DAP: variants seen among roughly 807,000 people sequenced by gnomAD.
The protein encoded by DAP is death-associated protein 1.
Under a neutral mutation model 13.8 loss-of-function variants are expected in DAP, and 8 were observed. That is an observed-to-expected ratio of 0.58 (90% CI 0.34 to 1.05). The LOEUF is 1.05. DAP is among the 50% of genes least tolerant of loss of function. DAP has a pLI of 0.03. For missense variants in DAP, 106 were observed against 133.2 expected (o/e 0.80, Z 1.01); for synonymous variants, 47 against 47.5 (o/e 0.99, Z 0.04).
At chr5:10,760,360 G>T (rs1451272106) in intron 1 of DAP, among the ~76,000 whole-genome samples, 1 of 152,162 alleles carries the variant, frequency 6.6e-6, no homozygotes, top group Non-Finnish European at 1.5e-5. Context: ...GGAGGAGGTG[G>T]CAGAAGCATG....
At chr5:10,695,255 G>A (rs1453880555) in intron 2 of DAP, among the ~76,000 whole-genome samples, 1 of 152,166 alleles carries the variant, frequency 6.6e-6, no homozygotes, top group East Asian at 1.9e-4. Flanking sequence ...GGTCCTCTCA[G>A]CCCGCGAACG....
chr5:10,681,144 G>A lies in DAP; in HGVS notation c.221C>T (p.Ala74Val), dbSNP rs1737979130. Residue 74 changes from alanine to valine, a missense_variant, in exon 4 of 4, where the codon GCT (alanine) becomes GTT (valine). Physicochemically the swap from Ala to Val is moderately conservative, Grantham distance 64. Coordinates refer to ENST00000230895, the MANE Select transcript of DAP (RefSeq NM_004394.3). ...CGGCTTCTGGTGAGCCACCTGCGCA[G>A]CCGCCGGGGGGAAATCTTTGTCACC... ...ARGDKDFPPA[A>V]AQVAHQKPHA... is the part of the protein sequence containing the mutation. 6.6e-7 allele frequency: 1 copy of A among 1,524,184 alleles called. No homozygotes were observed. Among genetic ancestry groups the A allele is most frequent in the Non-Finnish European group, 8.8e-7 (1 of 1,138,492 alleles). 94.4% of individuals were successfully genotyped at this position (1,524,184 alleles called of 1,614,324 possible). A position where few individuals can be genotyped will look rare whatever the true frequency, so the allele number is the denominator to read the frequency against.
At chr5:10,686,804 C>T (rs566433856) in intron 2 of DAP, among the ~76,000 whole-genome samples, 48 of 152,338 alleles carry the variant, frequency 3.2e-4, no homozygotes, top group Middle Eastern at 3.4e-3. Context: ...TAGCTAAGAT[C>T]ATTGATGAAA....
intron 2 of DAP, chr5:10,734,163 A>C (rs1739542979): frequency 6.6e-6 from 1 of 152,258 alleles, no homozygotes; most frequent in Non-Finnish European, 1.5e-5. Context: ...CAGAGCCTGG[A>C]AGGGAGAACT....
At chr5:10,698,651 T>C (rs924644383) in intron 2 of DAP, among the ~76,000 whole-genome samples, 6 of 152,216 alleles carry the variant, frequency 3.9e-5, no homozygotes, top group African/African-American at 1.4e-4. Flanking sequence ...CTAAGGTTTA[T>C]TGTGGTTTAT....
At chr5:10,755,145 C>G (rs1002758461) in intron 1 of DAP, among the ~76,000 whole-genome samples, 2 of 152,176 alleles carry the variant, frequency 1.3e-5, no homozygotes, top group African/African-American at 4.8e-5. Flanking sequence ...GCGGAAGAGT[C>G]AGGGCTCTGA....
intron 2 of DAP, among the ~76,000 whole-genome samples, chr5:10,685,922 A>G (rs1738143885): frequency 6.7e-6 from 1 of 150,170 alleles, no homozygotes; most frequent in South Asian, 2.1e-4. Flanking sequence ...CCTCCCCTCT[A>G]CAGACACACA....
chr5:10,759,251 C>T (rs865784213), intron 1 of DAP, among the ~76,000 whole-genome samples: 6 of 152,170 alleles, frequency 3.9e-5, no homozygotes, highest in African/African-American at 1.2e-4. Flanking sequence ...TACTTTGGTT[C>T]TGTATCATTC....
In DAP at chr5:10,690,927, T is replaced by A. The variant is rs191189949; in HGVS notation, c.153-7356A>T. ...ACGCACATGGGTTCCTATTTCCCCA[T>A]ATCCCTGCCAACGCTCGTTGTTTTC... On this transcript the variant is annotated intron_variant, in intron 2 of 3. Coordinates refer to ENST00000230895, the MANE Select transcript of DAP (RefSeq NM_004394.3). Among the ~76,000 whole-genome samples the A allele has an allele frequency of 3.3e-4, 51 of 152,348 alleles. 1 individual carries two copies. Among genetic ancestry groups the A allele is most frequent in the Admixed American group, 7.8e-4 (12 of 15,306 alleles).
At chr5:10,733,428 T>G (rs1241680325) in intron 2 of DAP, among the ~76,000 whole-genome samples, 1 of 152,224 alleles carries the variant, frequency 6.6e-6, no homozygotes, top group Non-Finnish European at 1.5e-5. Flanking sequence ...GTTTCACTTT[T>G]GGTATCTAGA....
chr5:10,753,980 A>G (rs1199900872), intron 1 of DAP, among the ~76,000 whole-genome samples: 1 of 152,266 alleles, frequency 6.6e-6, no homozygotes. Flanking sequence ...GATCTCAGGT[A>G]GAGCAATGTA....
rs538059885 is a variant in DAP at position 10,750,477 on chromosome 5, C to T, written c.56-2206G>A. Among the ~76,000 whole-genome samples the T allele has an allele frequency of 3.9e-5, 6 of 152,276 alleles. No homozygotes were observed. In the East Asian group the frequency reaches 5.8e-4, roughly 15 times the overall value. On this transcript the variant is annotated intron_variant, in intron 1 of 3. Coordinates refer to ENST00000230895, the MANE Select transcript of DAP (RefSeq NM_004394.3). ...TTAGAACTAAAATCTCCCTGCTGCC[C>T]GCACCTCTTCTCAACGGAGAGGACA...
chr5:10,713,143 A>G (rs1369286106), intron 2 of DAP, among the ~76,000 whole-genome samples: 1 of 152,192 alleles, frequency 6.6e-6, no homozygotes, highest in East Asian at 1.9e-4. Flanking sequence ...CTCCACAGGC[A>G]ACCTTCCCAA....
chr5:10,756,960 G>A (rs372821180), intron 1 of DAP, among the ~76,000 whole-genome samples: 1 of 152,322 alleles, frequency 6.6e-6, no homozygotes, highest in East Asian at 1.9e-4. Context: ...AAGAGCAGTG[G>A]TAAGGTCTCA....
chr5:10,718,925 T>C (rs1739063629), intron 2 of DAP, among the ~76,000 whole-genome samples: 1 of 152,238 alleles, frequency 6.6e-6, no homozygotes, highest in African/African-American at 2.4e-5. Flanking sequence ...CTGCAAGATA[T>C]CACACTGGTC....
intron 2 of DAP, among the ~76,000 whole-genome samples, chr5:10,741,008 T>C (rs1739739563): frequency 1.3e-5 from 2 of 152,364 alleles, no homozygotes; most frequent in Middle Eastern, 3.4e-3. Flanking sequence ...GAGCTGACTG[T>C]TCACATGTCT....
intron 2 of DAP, among the ~76,000 whole-genome samples, chr5:10,742,149 CA>C (rs1210852544): frequency 6.6e-6 from 1 of 150,812 alleles, no homozygotes; most frequent in African/African-American, 2.5e-5. Context: ...AGTTCTTCTA[CA>C]AAAAAGAGCT....
At position 10,680,470 on chromosome 5, in the gene DAP, T is replaced by G; in HGVS notation, c.*586A>C. The G allele has an allele frequency of 1.9e-6, 1 of 517,852 alleles. No homozygotes were observed. Among genetic ancestry groups the G allele is most frequent in the South Asian group, 2.7e-5 (1 of 36,792 alleles). The allele number at this position is 517,852 out of a possible 1,614,324, so 32.1% of individuals were successfully genotyped here. On this transcript the variant is annotated 3_prime_UTR_variant, in exon 4 of 4. Coordinates refer to ENST00000230895, the MANE Select transcript of DAP (RefSeq NM_004394.3). ...ACTCCTGGAATTGAGGGGCTATTTCTAAGATGCATGCTTTTTCGGCTTTTC... is the reference window on the plus strand; with the variant it reads ...ACTCCTGGAATTGAGGGGCTATTTCGAAGATGCATGCTTTTTCGGCTTTTC...
At chr5:10,700,806 A>G (rs2126645031) in intron 2 of DAP, among the ~76,000 whole-genome samples, 1 of 152,324 alleles carries the variant, frequency 6.6e-6, no homozygotes. Context: ...CTGCTTTGCA[A>G]ACTAACCCAG....
Sources: gnomAD v4.1 joint callset for allele counts (sites outside exome capture counted in the v4.1 genomes callset) on GRCh38, gnomAD v4.1.1 for gene constraint, MANE v1.5 for transcripts, NCBI Gene and HGNC (gene_info 2026-07-23, HGNC 2026-07-21) for gene names.